LRRC3B: variants seen among roughly 807,000 people sequenced by gnomAD.
LRRC3B encodes the protein leucine-rich repeat-containing protein 3B.
A neutral mutation model predicts 12.8 loss-of-function variants in LRRC3B; 2 were observed. That is an observed-to-expected ratio of 0.16 (90% CI 0.06 to 0.49). The LOEUF (loss-of-function observed/expected upper bound fraction) is 0.49, where lower values mean the gene tolerates loss of function less well. Among genes scored for constraint, LRRC3B ranks in the 20% least tolerant of loss-of-function variants. The pLI, the probability that LRRC3B is intolerant of heterozygous loss-of-function variation, is 0.96. For synonymous variants in LRRC3B, 132 were observed against 122.0 expected (o/e 1.08, Z -0.54); for missense variants, 189 against 319.4 (o/e 0.59, Z 3.11).
At chr3:26,676,354 G>A (rs1000825366) in intron 1 of LRRC3B, among the ~76,000 whole-genome samples, 47 of 150,592 alleles carry the variant, frequency 3.1e-4, no homozygotes, top group African/African-American at 9.5e-4. Flanking sequence ...TTGTCCTTGC[G>A]ATAGTTTGCT....
chr3:26,704,805 A>T (rs1700545071), intron 1 of LRRC3B, among the ~76,000 whole-genome samples: 1 of 152,118 alleles, frequency 6.6e-6, no homozygotes, highest in Non-Finnish European at 1.5e-5. Flanking sequence ...TTTGCTTATG[A>T]CCTTAACTTT....
intron 1 of LRRC3B, among the ~76,000 whole-genome samples, chr3:26,629,266 T>C (rs531194037): frequency 7.3e-5 from 11 of 151,052 alleles, no homozygotes; most frequent in African/African-American, 2.7e-4. Flanking sequence ...CTTCCTTTCT[T>C]CCCTTCTTCC....
intron 1 of LRRC3B, among the ~76,000 whole-genome samples, chr3:26,683,809 G>A (rs1412022916): frequency 6.6e-6 from 1 of 152,166 alleles, no homozygotes; most frequent in Non-Finnish European, 1.5e-5. Context: ...GTAGAGATAG[G>A]ATGCACACTT....
intron 1 of LRRC3B, among the ~76,000 whole-genome samples, chr3:26,677,307 C>G (rs1352081034): frequency 6.6e-6 from 1 of 152,174 alleles, no homozygotes; most frequent in East Asian, 1.9e-4. Flanking sequence ...CACCAGTATT[C>G]TGGTGTACTT....
At chr3:26,634,609 G>A (rs956778112) in intron 1 of LRRC3B, among the ~76,000 whole-genome samples, 6 of 152,156 alleles carry the variant, frequency 3.9e-5, no homozygotes, top group African/African-American at 1.2e-4. Context: ...CCTTGAGATG[G>A]GGGGAGGATT....
intron 1 of LRRC3B, among the ~76,000 whole-genome samples, chr3:26,685,536 TATATATATA>T (rs1169026897): frequency 5.8e-4 from 48 of 82,244 alleles, no homozygotes; most frequent in Non-Finnish European, 1.0e-3. Flanking sequence ...TATATATATA[TATATATATA>T]TATATATATA....
At chr3:26,624,193 A>T (rs1698569842) in intron 1 of LRRC3B, 1 of 152,308 alleles carries the variant, frequency 6.6e-6, no homozygotes, top group Admixed American at 6.5e-5. Flanking sequence ...TCCTCCCCAG[A>T]AGCAAACAAA....
At chr3:26,709,804 G>A in exon 2 of LRRC3B, 1 of 1,613,996 alleles carries the variant, frequency 6.2e-7, no homozygotes. Context: ...CTTCCTCTGG[G>A]GGTTTAAATG....
At chr3:26,629,517 A>G (rs537307526) in intron 1 of LRRC3B, among the ~76,000 whole-genome samples, 1 of 152,306 alleles carries the variant, frequency 6.6e-6, no homozygotes, top group East Asian at 1.9e-4. Context: ...TCCCCCTGTT[A>G]GCGGTGACTA....
intron 1 of LRRC3B, among the ~76,000 whole-genome samples, chr3:26,700,895 C>T (rs1197396945): frequency 1.3e-5 from 2 of 152,098 alleles, no homozygotes; most frequent in Non-Finnish European, 2.9e-5. Flanking sequence ...GCAATTACTA[C>T]CTTTTAGGGG....
rs541034116 is a variant in LRRC3B at position 26,657,712 on chromosome 3, G to A, written c.-161+34475G>A. On this transcript the variant is annotated intron_variant, in intron 1 of 1. Coordinates refer to ENST00000396641, the Ensembl canonical transcript of LRRC3B. ...GAAACTTCTTAATTCCAGCCAAGGCGCTCATTACTTTCGAGGTTGCTCTCT... is the reference window on the plus strand; with the variant it reads ...GAAACTTCTTAATTCCAGCCAAGGCACTCATTACTTTCGAGGTTGCTCTCT... Among the ~76,000 whole-genome samples the A allele has an allele frequency of 6.6e-5, 10 of 151,802 alleles. No homozygotes were observed. The South Asian group carries it at 1.2e-3, about 19-fold the overall frequency.
rs528732443 is a variant in LRRC3B, at chr3:26,647,611, C to CAA, written c.-161+24374_-161+24375insAA. Among the ~76,000 whole-genome samples, 960 of 152,292 alleles carry CAA rather than the reference C, an allele frequency of 6.3e-3. 6 individuals carry two copies. The highest frequency in any genetic ancestry group is 9.9e-3 in the Non-Finnish European group (671 of 68,012). ...CTTCCATTGCCCCAGCCCAAATTAT[C>CAA]CTCTTCATATTCTTACAGCGTTATG... On this transcript the variant is annotated intron_variant, in intron 1 of 1. Transcript: ENST00000396641.
chr3:26,653,062 G>A (rs1315747038), intron 1 of LRRC3B, among the ~76,000 whole-genome samples: 1 of 149,076 alleles, frequency 6.7e-6, no homozygotes, highest in Non-Finnish European at 1.5e-5. Flanking sequence ...TACTTAAGGA[G>A]AAGGCCTCAA....
chr3:26,649,442 A>G (rs893657514), intron 1 of LRRC3B, among the ~76,000 whole-genome samples: 1 of 147,802 alleles, frequency 6.8e-6, no homozygotes, highest in African/African-American at 2.5e-5. Context: ...AAGCGAAGAG[A>G]ACACTTCTAG....
At chr3:26,653,379 C>T (rs972287940) in intron 1 of LRRC3B, among the ~76,000 whole-genome samples, 1 of 152,038 alleles carries the variant, frequency 6.6e-6, no homozygotes, top group Non-Finnish European at 1.5e-5. Context: ...ACAAAGACTT[C>T]AAAAAGCTGA....
rs1463211480 is a variant in LRRC3B at position 26,690,107 on chromosome 3, A to G, written c.-160-19406A>G. Among the ~76,000 whole-genome samples the G allele has an allele frequency of 2.6e-5, 4 of 152,196 alleles. No individual in the cohort carries two copies. In the East Asian group the frequency reaches 7.7e-4, roughly 29 times the overall value. On this transcript the variant is annotated intron_variant, in intron 1 of 1. Coordinates refer to ENST00000396641, the Ensembl canonical transcript of LRRC3B. ...TAAAACATGGGTGTACCTGACCAAAAACAGGTTTGTTGAGCTGAATATGGG... is the reference window on the plus strand; with the variant it reads ...TAAAACATGGGTGTACCTGACCAAAGACAGGTTTGTTGAGCTGAATATGGG...
At chr3:26,629,723 A>G (rs1238597405) in intron 1 of LRRC3B, among the ~76,000 whole-genome samples, 2 of 152,066 alleles carry the variant, frequency 1.3e-5, no homozygotes, top group Non-Finnish European at 2.9e-5. Context: ...GTGGTTTTTT[A>G]TTGGGGTGGC....
chr3:26,642,287 G>C (rs1176145687), intron 1 of LRRC3B, among the ~76,000 whole-genome samples: 1 of 152,158 alleles, frequency 6.6e-6, no homozygotes, highest in East Asian at 1.9e-4. Flanking sequence ...AAGGATCTTA[G>C]GGACTTCCTG....
At chr3:26,624,325 G>C (rs1045451730) in intron 1 of LRRC3B, 2 of 152,568 alleles carry the variant, frequency 1.3e-5, no homozygotes, top group Non-Finnish European at 2.9e-5. Context: ...TCTGGCACCC[G>C]CTTGCTTCTA....
Sources: gnomAD v4.1 joint callset for allele counts (sites outside exome capture counted in the v4.1 genomes callset) on GRCh38, gnomAD v4.1.1 for gene constraint, MANE v1.5 for transcripts, NCBI Gene and HGNC (gene_info 2026-07-23, HGNC 2026-07-21) for gene names.